The following NEBL variants were observed in gnomAD, a reference collection of about 807,000 sequenced individuals.
NEBL encodes the protein LIM and SH3 protein 2.
In NEBL, 122 loss-of-function variants were observed where a neutral mutation model predicts 140.2. The ratio of observed to expected loss-of-function variants is 0.87; its 90% CI spans 0.75 to 1.01. The LOEUF (loss-of-function observed/expected upper bound fraction) is 1.01, where lower values mean the gene tolerates loss of function less well. Ranked by LOEUF, NEBL falls within the 50% of genes least tolerant of loss-of-function variation. The pLI is 0.00. For synonymous variants in NEBL, 436 were observed against 398.9 expected, an observed-to-expected ratio of 1.09 and a Z score of -1.11; for missense variants, 1,365 against 1,231.3, an observed-to-expected ratio of 1.11 and a Z score of -1.62.
At chr10:21,018,617 G>C (rs1286930563) in intron 3 of NEBL, among the ~76,000 whole-genome samples, 2 of 152,132 alleles carry the variant, frequency 1.3e-5, no homozygotes, top group Non-Finnish European at 2.9e-5. Flanking sequence ...GATGGACTGA[G>C]AAGTGATCCC....
At chr10:21,097,423 C>T (rs1411291559) in intron 2 of NEBL, among the ~76,000 whole-genome samples, 1 of 152,150 alleles carries the variant, frequency 6.6e-6, no homozygotes, top group African/African-American at 2.4e-5. Context: ...CACACCATTG[C>T]ACTCCAGGCT....
At chr10:20,961,840 C>G in intron 3 of NEBL, 1 of 1,283,784 alleles carries the variant, frequency 7.8e-7, no homozygotes, top group Non-Finnish European at 1.1e-6. Flanking sequence ...TCGGGATAGG[C>G]TGGGCCAACG....
chr10:20,965,987 A>G (rs1481877823), intron 3 of NEBL, among the ~76,000 whole-genome samples: 1 of 152,218 alleles, frequency 6.6e-6, no homozygotes, highest in Non-Finnish European at 1.5e-5. Context: ...ATACCTGGGA[A>G]GTAACACAGT....
chr10:21,075,841 C>T (rs555597443), intron 2 of NEBL, among the ~76,000 whole-genome samples: 6 of 152,028 alleles, frequency 3.9e-5, no homozygotes, highest in Admixed American at 3.3e-4. Flanking sequence ...AACAAAATAA[C>T]GAACAACCCC....
At chr10:20,917,622 A>G (rs1255753949) in intron 4 of NEBL, among the ~76,000 whole-genome samples, 1 of 152,226 alleles carries the variant, frequency 6.6e-6, no homozygotes, top group East Asian at 1.9e-4. Flanking sequence ...AAAAATTAAG[A>G]AACTTATGCA....
intron 1 of NEBL, among the ~76,000 whole-genome samples, chr10:21,290,542 T>A (rs901882462): frequency 6.6e-6 from 1 of 152,112 alleles, no homozygotes; most frequent in Non-Finnish European, 1.5e-5. Flanking sequence ...CCAAGAAAAA[T>A]TAACCACCAG....
chr10:20,987,625 C>G (rs767584163), intron 3 of NEBL, among the ~76,000 whole-genome samples: 1 of 152,142 alleles, frequency 6.6e-6, no homozygotes, highest in Non-Finnish European at 1.5e-5. Context: ...AAATCTATTT[C>G]AAGCATCTCA....
intron 2 of NEBL, among the ~76,000 whole-genome samples, chr10:21,026,311 C>T (rs542136487): frequency 7.5e-6 from 1 of 133,310 alleles, no homozygotes; most frequent in Admixed American, 8.3e-5. Context: ...AGAAATGAGG[C>T]TATCCTACAG....
intron 2 of NEBL, among the ~76,000 whole-genome samples, chr10:21,153,101 T>C (rs1840205236): frequency 6.6e-6 from 1 of 152,174 alleles, no homozygotes; most frequent in African/African-American, 2.4e-5. Flanking sequence ...AAATAGGTAA[T>C]ATTTATGGGT....
chr10:20,884,047 T>TCA (rs1166148190), intron 4 of NEBL, among the ~76,000 whole-genome samples: 1 of 152,180 alleles, frequency 6.6e-6, no homozygotes, highest in African/African-American at 2.4e-5. Flanking sequence ...TCTTCATACT[T>TCA]TGAGAACTGA....
intron 17 of NEBL, among the ~76,000 whole-genome samples, chr10:20,826,877 C>A (rs1285683003): frequency 6.6e-6 from 1 of 152,100 alleles, no homozygotes; most frequent in Admixed American, 6.6e-5. Context: ...TGAGAAAAAG[C>A]AGATATTACA....
At chr10:21,189,098 A>G (rs951133478) in intron 3 of NEBL, among the ~76,000 whole-genome samples, 8 of 152,148 alleles carry the variant, frequency 5.3e-5, no homozygotes, top group African/African-American at 1.9e-4. Flanking sequence ...AATCCCCAAC[A>G]TTTATGGAAT....
chr10:21,169,068 ATATATATATATAT>A (rs1261616192), intron 2 of NEBL, among the ~76,000 whole-genome samples: 1,946 of 18,024 alleles, frequency 0.11, 141 homozygotes, highest in South Asian at 0.31. Context: ...AAAAAAAAAA[ATATATATATATAT>A]ATATATATAT....
chr10:20,973,817 T>G (rs140591320), intron 3 of NEBL, among the ~76,000 whole-genome samples: 1,861 of 152,282 alleles, frequency 0.012, 37 homozygotes, highest in African/African-American at 0.043. Context: ...CTCTAAGACA[T>G]CAAACTTTAG....
At chr10:20,884,840 C>T (rs1218818790) in intron 4 of NEBL, among the ~76,000 whole-genome samples, 2 of 152,216 alleles carry the variant, frequency 1.3e-5, no homozygotes, top group Non-Finnish European at 1.5e-5. Flanking sequence ...ATCTCGCCAC[C>T]TCATGGCATG....
At chr10:20,842,003 T>C (rs1841450686) in intron 12 of NEBL, among the ~76,000 whole-genome samples, 1 of 152,146 alleles carries the variant, frequency 6.6e-6, no homozygotes, top group African/African-American at 2.4e-5. Flanking sequence ...TCTTACTTAA[T>C]TGCGTATGAA....
chr10:21,286,110 A>T (rs1843051851), intron 1 of NEBL, among the ~76,000 whole-genome samples: 1 of 152,138 alleles, frequency 6.6e-6, no homozygotes, highest in African/African-American at 2.4e-5. Context: ...TTCTCAGCCT[A>T]TCTGTGACTG....
At position 20,785,761 on chromosome 10, in the gene NEBL, C is replaced by T. The variant is rs375208825; in HGVS notation, c.3031G>A (p.Glu1011Lys). 6.2e-7 allele frequency: 1 copy of T among 1,613,786 alleles called. No homozygotes were observed. The highest frequency in any genetic ancestry group is 1.7e-5 in the Admixed American group (1 of 59,984). Residue 1011 changes from glutamate to lysine, a missense_variant, in exon 28 of 28, where the codon GAG (glutamate) becomes AAG (lysine). Glu to Lys is a moderately conservative substitution (Grantham distance 56). Transcript: ENST00000377122. ...GGGAGAAATAATTAATTAACAAACT[C>T]AATGTAATTCGCTGGGAGCATTCCT... is the stretch of plus-strand genomic sequence containing the variant. ...RTGMLPANYI[E>K]FVN is the part of the protein sequence containing the mutation.
At chr10:20,846,431 T>C (rs1841953571) in intron 11 of NEBL, among the ~76,000 whole-genome samples, 1 of 152,184 alleles carries the variant, frequency 6.6e-6, no homozygotes, top group South Asian at 2.1e-4. Context: ...AAGAGAAGCA[T>C]GCTGTCTCCT....
Sources: gnomAD v4.1 joint callset for allele counts (sites outside exome capture counted in the v4.1 genomes callset) on GRCh38, gnomAD v4.1.1 for gene constraint, MANE v1.5 for transcripts, NCBI Gene and HGNC (gene_info 2026-07-23, HGNC 2026-07-21) for gene names.